Variants in CORIN observed in about 807,000 individuals in gnomAD.
CORIN encodes corin, serine peptidase, also known as atrial natriuretic peptide-converting enzyme.
Under a neutral mutation model 125.3 loss-of-function variants are expected in CORIN, and 117 were observed. That is an observed-to-expected ratio of 0.93 (90% CI 0.80 to 1.09). CORIN has a LOEUF of 1.09. CORIN is among the 50% of genes least tolerant of loss of function. CORIN has a pLI of 0.00. For synonymous variants in CORIN, 450 were observed against 466.4 expected (o/e 0.96, Z 0.45); for missense variants, 1,253 against 1,306.7 (o/e 0.96, Z 0.63).
At chr4:47,770,246 T>A (rs947959547) in intron 3 of CORIN, among the ~76,000 whole-genome samples, 11 of 152,064 alleles carry the variant, frequency 7.2e-5, no homozygotes, top group Admixed American at 2.6e-4. Flanking sequence ...AACAGGTATA[T>A]GAAAAAAAGT....
At chr4:47,831,102 CAG>C (rs1315166257) in intron 1 of CORIN, among the ~76,000 whole-genome samples, 2 of 152,324 alleles carry the variant, frequency 1.3e-5, no homozygotes, top group East Asian at 1.9e-4. Context: ...GAGCCTCTTA[CAG>C]AGTTTCAGCA....
chr4:47,783,703 A>G (rs1201959967), intron 3 of CORIN, among the ~76,000 whole-genome samples: 1 of 152,178 alleles, frequency 6.6e-6, no homozygotes, highest in Admixed American at 6.5e-5. Context: ...GATCTAAGAC[A>G]TTAAATGATA....
chr4:47,784,813 T>C (rs1730711829), intron 3 of CORIN, among the ~76,000 whole-genome samples: 1 of 152,162 alleles, frequency 6.6e-6, no homozygotes, highest in Non-Finnish European at 1.5e-5. Context: ...TTTGCAAAAA[T>C]ACTGTCAGGT....
chr4:47,610,562 T>C (rs1011008637), intron 19 of CORIN, among the ~76,000 whole-genome samples: 61 of 152,204 alleles, frequency 4.0e-4, no homozygotes, highest in Admixed American at 2.0e-3. Context: ...TTCAATATGA[T>C]GATAGCTTCT....
chr4:47,832,452 T>C (rs1733088530), intron 1 of CORIN, among the ~76,000 whole-genome samples: 1 of 146,808 alleles, frequency 6.8e-6, no homozygotes, highest in Non-Finnish European at 1.5e-5. Context: ...TTTCTTTTTT[T>C]TTTTTTTTTT....
intron 4 of CORIN, among the ~76,000 whole-genome samples, chr4:47,753,432 G>T (rs368987461): frequency 6.6e-6 from 1 of 152,106 alleles, no homozygotes. Context: ...ACCAGGACGC[G>T]ATCTTTTCCA....
At chr4:47,692,883 A>T in intron 6 of CORIN, 87 bp downstream of exon 6, 2 of 1,015,912 alleles carry the variant, frequency 2.0e-6, no homozygotes, top group Non-Finnish European at 3.1e-6. Flanking sequence ...AAAGGCAAAC[A>T]AAAAGCAGTC....
chr4:47,707,456 C>T (rs1246476244), intron 5 of CORIN, among the ~76,000 whole-genome samples: 1 of 152,162 alleles, frequency 6.6e-6, no homozygotes, highest in Admixed American at 6.5e-5. Context: ...AAATTCCTCA[C>T]TGTGAATCCC....
At chr4:47,677,496 GC>G (rs1560501353) in intron 9 of CORIN, among the ~76,000 whole-genome samples, 1 of 152,108 alleles carries the variant, frequency 6.6e-6, no homozygotes, top group African/African-American at 2.4e-5. Context: ...AGATTCACAC[GC>G]AGATATCAAA....
chr4:47,825,643 GA>G lies in CORIN; in HGVS notation c.63+12243del, dbSNP rs201892444. On this transcript the variant is annotated intron_variant, in intron 1 of 21. Coordinates refer to ENST00000273857, the MANE Select transcript of CORIN (RefSeq NM_006587.4). Reference sequence around the variant, plus strand: ...TTTTAGAACATTTTTACACTTACCAGAAAAAAAAAGTGAGCAGATAGTAAAA... The same window carrying G: ...TTTTAGAACATTTTTACACTTACCAGAAAAAAAAGTGAGCAGATAGTAAAA... Among the ~76,000 whole-genome samples the G allele has an allele frequency of 3.6e-3, 495 of 137,924 alleles. 2 individuals are homozygous for G. The highest frequency in any genetic ancestry group is 0.013 in the African/African-American group (473 of 37,822). 90.5% of individuals were successfully genotyped at this position (137,924 alleles called of 152,430 possible).
At chr4:47,665,702 A>G (rs1322950976) in intron 10 of CORIN, among the ~76,000 whole-genome samples, 2 of 152,186 alleles carry the variant, frequency 1.3e-5, no homozygotes, top group East Asian at 1.9e-4. Flanking sequence ...ACTTCTGTCT[A>G]TATGTTTTAT....
At chr4:47,596,842 T>C (rs906615544) in intron 21 of CORIN, among the ~76,000 whole-genome samples, 1 of 152,202 alleles carries the variant, frequency 6.6e-6, no homozygotes, top group Non-Finnish European at 1.5e-5. Flanking sequence ...CTAAACATTT[T>C]CCACATATTA....
chr4:47,796,858 A>G (rs958089768), intron 2 of CORIN, among the ~76,000 whole-genome samples: 2 of 152,046 alleles, frequency 1.3e-5, no homozygotes, highest in Non-Finnish European at 2.9e-5. Flanking sequence ...TTAAAGTACT[A>G]CTTACTCCCT....
rs202012011 is a variant in CORIN at position 47,643,655 on chromosome 4, T to TG, written c.1958-400_1958-399insC. 7.0e-3 allele frequency among the ~76,000 whole-genome samples: 1,059 copies of TG among 152,144 alleles called. 12 individuals carry two copies. Among genetic ancestry groups the TG allele is most frequent in the African/African-American group, 0.024 (1,004 of 41,508 alleles). On this transcript the variant is annotated intron_variant, in intron 14 of 21. Coordinates refer to ENST00000273857, the MANE Select transcript of CORIN (RefSeq NM_006587.4). ...CTGTCCACAGAGATGCATAATAAGTTTTTTTTTCCATCTCTATTATTAAAT... is the reference window on the plus strand; with the variant it reads ...CTGTCCACAGAGATGCATAATAAGTTGTTTTTTTCCATCTCTATTATTAAAT...
chr4:47,817,500 T>G (rs909330903), intron 1 of CORIN, among the ~76,000 whole-genome samples: 1 of 152,156 alleles, frequency 6.6e-6, no homozygotes, highest in Non-Finnish European at 1.5e-5. Flanking sequence ...CTGCAGCCTA[T>G]GCCAGTTCCC....
intron 2 of CORIN, among the ~76,000 whole-genome samples, chr4:47,792,382 G>A (rs1731119340): frequency 6.6e-6 from 1 of 152,116 alleles, no homozygotes; most frequent in Non-Finnish European, 1.5e-5. Context: ...TTGGCAGCAG[G>A]GTGACGTTTA....
At position 47,666,721 on chromosome 4, in the gene CORIN, C is replaced by T. The variant is rs562376718; in HGVS notation, c.1358-1458G>A. On this transcript the variant is annotated intron_variant, in intron 10 of 21. Coordinates refer to ENST00000273857, the MANE Select transcript of CORIN (RefSeq NM_006587.4). ...TCGCTCTCTCAGCCATGTGAGGAAA[C>T]GCAAGAGGGCAACTGTCTGCAAACC... Among the ~76,000 whole-genome samples, 52 of 152,204 alleles carry T rather than the reference C, an allele frequency of 3.4e-4. 1 individual carries two copies. The highest frequency in any genetic ancestry group is 1.1e-3 in the African/African-American group (47 of 41,526).
chr4:47,736,274 C>T (rs1273170886), intron 5 of CORIN, among the ~76,000 whole-genome samples: 1 of 152,172 alleles, frequency 6.6e-6, no homozygotes, highest in African/African-American at 2.4e-5. Flanking sequence ...CAGACCTCTA[C>T]TAAACAACGT....
rs1359445078 is a variant in CORIN, at chr4:47,744,549, C to A, written c.652G>T (p.Ala218Ser). The A allele has an allele frequency of 3.1e-6, 5 of 1,610,816 alleles. No individual in the cohort carries two copies. The highest frequency in any genetic ancestry group is 1.1e-5 in the South Asian group (1 of 90,648). ...ACTGATTCACAGCCTTCTTTTGCAGCCTCACAGAAGGACCTACAGGGCAGG... is the reference window on the plus strand; with the variant it reads ...ACTGATTCACAGCCTTCTTTTGCAGACTCACAGAAGGACCTACAGGGCAGG... The part of the protein sequence containing the change: ...GLLPCRSFCE[A>S]AKEGCESVLG... The change falls in exon 5 of 22, where the codon GCT becomes TCT. Residue 218 changes from alanine to serine, a missense_variant. By Grantham distance (99) the Ala-to-Ser change is moderately conservative. Coordinates refer to ENST00000273857, the MANE Select transcript of CORIN (RefSeq NM_006587.4).
Sources: allele counts gnomAD v4.1 joint callset (sites outside exome capture counted in the v4.1 genomes callset), GRCh38; gene constraint gnomAD v4.1.1; transcripts MANE v1.5; gene names NCBI Gene and HGNC (gene_info 2026-07-23, HGNC 2026-07-21).